Variants in MKI67 observed in about 807,000 individuals in gnomAD.
MKI67 encodes proliferation marker protein Ki-67.
MKI67 carries 152 observed loss-of-function variants against 233.5 expected under a neutral mutation model. The observed-to-expected ratio is 0.65, with a 90% CI of 0.57 to 0.74. The LOEUF is 0.74. Among genes scored for constraint, MKI67 ranks in the 30% least tolerant of loss-of-function variants. The pLI, the probability that MKI67 is intolerant of heterozygous loss-of-function variation, is 0.00. For synonymous variants in MKI67, 1,465 were observed against 1,418.5 expected (o/e 1.03, Z -0.74); for missense variants, 3,940 against 3,885.2 (o/e 1.01, Z -0.37).
rs1852525504 is a variant in MKI67, at chr10:128,107,263, G to A, written c.4577C>T (p.Ala1526Val). 3 of 1,614,100 alleles carry A rather than the reference G, an allele frequency of 1.9e-6. No individual in the cohort carries two copies. In the East Asian group the frequency reaches 6.7e-5, roughly 36 times the overall value. The change falls in exon 13 of 15, where the codon GCA becomes GTA. Residue 1526 changes from alanine to valine, a missense_variant. Transcript: ENST00000368654. The part of the protein sequence containing the change: ...RKVDVEEEFF[A>V]LRKRTPSAGK... The stretch of plus-strand genomic sequence containing the variant: ...TGCTGATGGTGTTCGTTTCCTGAGT[G>A]CGAAGAATTCTTCTTCTACGTCCAC...
intron 2 of MKI67, 33 bp from the exon 3 acceptor site, chr10:128,123,202 C>T (rs754099572): frequency 1.3e-6 from 2 of 1,494,160 alleles, no homozygotes; most frequent in Non-Finnish European, 1.9e-6. Flanking sequence ...TTTTTGGTTG[C>T]TGCAACTTTT....
intron 2 of MKI67, among the ~76,000 whole-genome samples, chr10:128,124,045 C>T (rs1013006273): frequency 7.9e-5 from 12 of 152,188 alleles, no homozygotes; most frequent in Non-Finnish European, 2.9e-5. Flanking sequence ...TCTTCCTACC[C>T]AGGTCATGTG....
rs1380128690 is a variant in MKI67, at chr10:128,102,792, T to C, written c.9048A>G (p.Pro3016=). The C allele has an allele frequency of 6.2e-6, 10 of 1,614,134 alleles. No individual in the cohort carries two copies. The highest frequency in any genetic ancestry group is 2.7e-5 in the African/African-American group (2 of 74,930). Residue 3016 remains proline (P), a synonymous_variant, in exon 13 of 15, where the codon CCA becomes CCG. Transcript: ENST00000368654. ...GCTCCTCCACAATTTCCTCTGGTGC[T>C]GGCATGCAGCGCAGCCTCTTGGTTC... The part of the protein sequence containing the change: ...VTGTKRLRCM[P]APEEIVEELP...
chr10:128,107,328 T>C lies in MKI67; in HGVS notation c.4512A>G (p.Pro1504=), dbSNP rs761839064. The C allele has an allele frequency of 5.6e-6, 9 of 1,614,188 alleles. No homozygotes were observed. Among genetic ancestry groups the C allele is most frequent in the Admixed American group, 5.0e-5 (3 of 60,024 alleles). The change falls in exon 13 of 15, where the codon CCA becomes CCG. Residue 1504 remains proline (P), a synonymous_variant. Transcript: ENST00000368654. ...CRSQPDPVDT[P]TSSKPQSKRS... ...TCTTGGACTGTGGCTTGGAGCTTGT[T>C]GGTGTGTCCACTGGGTCTGGTTGTG...
In MKI67 at chr10:128,104,295, T is replaced by A; in HGVS notation, c.7545A>T (p.Pro2515=). The change falls in exon 13 of 15, where the codon CCA becomes CCT. Residue 2515 remains proline, a synonymous_variant. Coordinates refer to ENST00000368654, the MANE Select transcript of MKI67 (RefSeq NM_002417.5). ...SGETTQTHTE[P]TGDSKSIKAF... is the part of the protein sequence containing the mutation. ...CTTTGATGCTCTTACTATCTCCTGT[T>A]GGCTCTGTGTGTGTTTGCGTAGTCT... The A allele has an allele frequency of 6.2e-7, 1 of 1,614,216 alleles. No homozygotes were observed. The highest frequency in any genetic ancestry group is 8.5e-7 in the Non-Finnish European group (1 of 1,180,046).
At position 128,115,061 on chromosome 10, in the gene MKI67, G is replaced by A. The variant is rs761903082; in HGVS notation, c.1347C>T (p.Leu449=). ...IHNEPFLTLW[L]TQVERKIQKD... is the part of the protein sequence containing the mutation. ...TTTGGATCTTCCTCTCAACTTGAGTGAGCCACAGAGTTAAAAATGGCTCAT... is the reference window on the plus strand; with the variant it reads ...TTTGGATCTTCCTCTCAACTTGAGTAAGCCACAGAGTTAAAAATGGCTCAT... The change falls in exon 7 of 15, where the codon CTC becomes CTT. Residue 449 remains leucine, a synonymous_variant. Coordinates refer to ENST00000368654, the MANE Select transcript of MKI67 (RefSeq NM_002417.5). The A allele has an allele frequency of 3.7e-6, 6 of 1,613,470 alleles. No homozygotes were observed. Among genetic ancestry groups the A allele is most frequent in the Middle Eastern group, 1.6e-4 (1 of 6,080 alleles).
At position 128,105,142 on chromosome 10, in the gene MKI67, G is replaced by A. The variant is rs1852450136; in HGVS notation, c.6698C>T (p.Thr2233Ile). The part of the protein sequence containing the change: ...SPQPDPVGTP[T>I]IFKPQSKRSL... ...TCTCTTGGACTGTGGCTTGAAGATT[G>A]TTGGGGTACCCACTGGGTCTGGTTG... The change falls in exon 13 of 15, where the codon ACA becomes ATA. Residue 2233 changes from threonine (T) to isoleucine (I), a missense_variant. By Grantham distance (89) the Thr-to-Ile change is moderately conservative. Transcript: ENST00000368654. The A allele has an allele frequency of 6.2e-7, 1 of 1,613,296 alleles. No homozygotes were observed. The highest frequency in any genetic ancestry group is 1.7e-5 in the Admixed American group (1 of 59,906).
At position 128,101,314 on chromosome 10, in the gene MKI67, T is replaced by TC. The variant is rs767833302; in HGVS notation, c.9648_9649insG (p.Lys3217GlufsTer21). The TC allele has an allele frequency of 6.2e-7, 1 of 1,614,018 alleles. No individual in the cohort carries two copies. The highest frequency in any genetic ancestry group is 1.1e-5 in the South Asian group (1 of 91,080). ...CTCCGCGTTACTCTCTGCACAGATT[T>TC]GCTCTCCAAAGTGCTTGCTGCAGGC... is the stretch of plus-strand genomic sequence containing the variant. On this transcript the variant is annotated frameshift_variant, in exon 14 of 15. Coordinates refer to ENST00000368654, the MANE Select transcript of MKI67 (RefSeq NM_002417.5). LOFTEE classifies it high-confidence loss of function.
At chr10:128,116,616 T>G (rs938315995) in intron 5 of MKI67, 80 bp from the exon 6 acceptor site, 2 of 1,384,234 alleles carry the variant, frequency 1.4e-6, no homozygotes, top group Admixed American at 1.7e-5. Flanking sequence ...ATATTATTTA[T>G]TGTTTTCTGG....
In MKI67 at chr10:128,116,537, C is replaced by T; in HGVS notation, c.355-1G>A. On this transcript the variant is annotated splice_acceptor_variant, in intron 5 of 14. Coordinates refer to ENST00000368654, the MANE Select transcript of MKI67 (RefSeq NM_002417.5). LOFTEE classifies it high-confidence loss of function. ...ATCTTGAGACACGACGTGCTGGCTC[C>T]TGTAAGTTGGGAAAATAAGAACAGT... 1 of 1,613,782 alleles carries T rather than the reference C, an allele frequency of 6.2e-7. No homozygotes were observed. Among genetic ancestry groups the T allele is most frequent in the Non-Finnish European group, 8.5e-7 (1 of 1,179,652 alleles).
Position 128,101,611 on chromosome 10 carries a change from T to C in MKI67, c.9352A>G (p.Asn3118Asp). ...VFVLAERIEI[N>D]RNEKKPMKTS... ...TTCATGGGCTTCTTTTCATTTCTGT[T>C]TATTTCTATTCTTTCTGCTAATACA... Residue 3118 changes from asparagine to aspartate, a missense_variant, in exon 14 of 15, where the codon AAC becomes GAC. Asn to Asp is a conservative substitution (Grantham distance 23, BLOSUM62 1). Coordinates refer to ENST00000368654, the MANE Select transcript of MKI67 (RefSeq NM_002417.5). The C allele has an allele frequency of 6.2e-7, 1 of 1,614,098 alleles. No individual in the cohort carries two copies. The highest frequency in any genetic ancestry group is 1.1e-5 in the South Asian group (1 of 91,056).
chr10:128,109,482 T>C, intron 12 of MKI67, 59 bp from the exon 13 acceptor site: 1 of 1,519,636 alleles, frequency 6.6e-7, no homozygotes. Context: ...CAATCGAGTA[T>C]TACAGCCTCA....
rs1853034341 is a variant in MKI67 at position 128,125,434 on chromosome 10, C to G, written c.92+142G>C. ...ACAAAACAAAAAAACACAACTATGTCAACTTAGTAACGAATGGGAGAAGCA... is the reference window on the plus strand; with the variant it reads ...ACAAAACAAAAAAACACAACTATGTGAACTTAGTAACGAATGGGAGAAGCA... On this transcript the variant is annotated intron_variant, in intron 2 of 14. Transcript: ENST00000368654. This position sits in a 1 kb window ranked among gnomAD's most constrained non-coding sequence, Gnocchi z 5.3. The G allele has an allele frequency of 1.1e-5, 8 of 713,848 alleles. No homozygotes were observed. Among genetic ancestry groups the G allele is most frequent in the Admixed American group, 4.7e-5 (2 of 42,506 alleles). 44.2% of individuals were successfully genotyped at this position (713,848 alleles called of 1,614,324 possible).
chr10:128,104,665 G>C lies in MKI67; in HGVS notation c.7175C>G (p.Pro2392Arg). The C allele has an allele frequency of 6.2e-7, 1 of 1,613,952 alleles. No homozygotes were observed. Among genetic ancestry groups the C allele is most frequent in the South Asian group, 1.1e-5 (1 of 91,070 alleles). Residue 2392 changes from proline to arginine, a missense_variant, in exon 13 of 15, where the codon CCA becomes CGA. By Grantham distance (103) the Pro-to-Arg change is moderately radical. Transcript: ENST00000368654. ...GATATTTTTCTCATCACTTACTGCT[G>C]GTTTTGGTGTGTCCATGGCTTTGCC... ...SAGKAMDTPK[P>R]AVSDEKNINT...
rs745906348 is a variant in MKI67, at chr10:128,112,297, G to A, written c.1805C>T (p.Ala602Val). Residue 602 changes from alanine (A) to valine (V), a missense_variant, in exon 9 of 15, where the codon GCC (alanine) becomes GTC (valine). Physicochemically the swap from Ala to Val is moderately conservative, Grantham distance 64. Coordinates refer to ENST00000368654, the MANE Select transcript of MKI67 (RefSeq NM_002417.5). ...SDQRRRSCKT[A>V]PASSSKSQTE... ...CTGAGATTTGCTGCTGGAAGCAGGG[G>A]CTGTTTTGCAGGACCTACGGCGTTG... is the stretch of plus-strand genomic sequence containing the variant. 4 of 1,614,098 alleles carry A rather than the reference G, an allele frequency of 2.5e-6. No individual in the cohort carries two copies. In the African/African-American group the frequency reaches 4.0e-5, roughly 16 times the overall value.
At position 128,106,125 on chromosome 10, in the gene MKI67, G is replaced by C; in HGVS notation, c.5715C>G (p.His1905Gln). ...KLTPSAGKAM[H>Q]TPKAAVGEEK... ...CTTCACCTACTGCTGCTTTAGGCGT[G>C]TGCATGGCTTTGCCTGCTGATGGTG... The change falls in exon 13 of 15, where the codon CAC (histidine) becomes CAG (glutamine). Residue 1905 changes from histidine to glutamine, a missense_variant. By Grantham distance (24) the His-to-Gln change is conservative. Transcript: ENST00000368654. The C allele has an allele frequency of 6.2e-7, 1 of 1,614,082 alleles. No homozygotes were observed.
chr10:128,119,409 G>A (rs533894975), intron 4 of MKI67, 90 bp from the exon 5 acceptor site: 12 of 851,456 alleles, frequency 1.4e-5, no homozygotes, highest in African/African-American at 5.1e-5. Flanking sequence ...AAGGATCAAC[G>A]AACAAACTTT....
At chr10:128,118,802 A>C (rs1852864132) in intron 5 of MKI67, among the ~76,000 whole-genome samples, 1 of 152,188 alleles carries the variant, frequency 6.6e-6, no homozygotes, top group African/African-American at 2.4e-5. Context: ...TTCCTGTTTC[A>C]TGGGTCGTCT....
chr10:128,098,464 G>T lies in MKI67; in HGVS notation c.*726C>A, dbSNP rs955632306. On this transcript the variant is annotated 3_prime_UTR_variant, in exon 15 of 15. Coordinates refer to ENST00000368654, the MANE Select transcript of MKI67 (RefSeq NM_002417.5). The stretch of plus-strand genomic sequence containing the variant: ...GAGGTCGTGATGGCCCACAGCCTGG[G>T]ACCCTGAGATTCCGCGGGTGGAGAA... 2 of 152,182 alleles carry T rather than the reference G, an allele frequency of 1.3e-5. No homozygotes were observed. Among genetic ancestry groups the T allele is most frequent in the African/African-American group, 2.4e-5 (1 of 41,414 alleles). 9.4% of individuals were successfully genotyped at this position (152,182 alleles called of 1,614,324 possible).
Sources: allele counts gnomAD v4.1 joint callset (sites outside exome capture counted in the v4.1 genomes callset), GRCh38; gene constraint gnomAD v4.1.1; non-coding constraint Gnocchi (gnomAD v3.1); transcripts MANE v1.5; gene names NCBI Gene and HGNC (gene_info 2026-07-23, HGNC 2026-07-21).